RBFOX3: variants seen among roughly 807,000 people sequenced by gnomAD.
The protein encoded by RBFOX3 is RNA binding fox-1 homolog 3.
In RBFOX3, 17 loss-of-function variants were observed where a neutral mutation model predicts 48.7. The observed-to-expected ratio is 0.35, with a 90% CI of 0.24 to 0.52. The LOEUF is 0.52. Among genes scored for constraint, RBFOX3 ranks in the 20% least tolerant of loss-of-function variants. The probability of loss-of-function intolerance (pLI) is 0.94; values close to 1 mark genes in which losing one functional copy is unlikely to be tolerated. For missense variants in RBFOX3, 382 were observed against 497.5 expected (o/e 0.77, Z 2.21); for synonymous variants, 212 against 209.5 (o/e 1.01, Z -0.10).
chr17:79,149,806 G>A (rs565423598), intron 4 of RBFOX3, among the ~76,000 whole-genome samples: 1 of 151,462 alleles, frequency 6.6e-6, no homozygotes, highest in Non-Finnish European at 1.5e-5. Context: ...CATGAGCTGA[G>A]CTTCCACTGA....
chr17:79,562,185 T>C (rs888026778), intron 1 of RBFOX3, among the ~76,000 whole-genome samples: 2 of 152,234 alleles, frequency 1.3e-5, no homozygotes, highest in Non-Finnish European at 2.9e-5. Flanking sequence ...CTTTTTTCTT[T>C]ATTCCTGCCT....
At chr17:79,513,873 T>C (rs1241384549) in intron 1 of RBFOX3, among the ~76,000 whole-genome samples, 1 of 152,182 alleles carries the variant, frequency 6.6e-6, no homozygotes, top group Non-Finnish European at 1.5e-5. Context: ...GTTGGCCTTC[T>C]GGGCCTGCCC....
chr17:79,595,692 G>A (rs76392273), intron 1 of RBFOX3, among the ~76,000 whole-genome samples: 14,991 of 152,212 alleles, frequency 0.098, 948 homozygotes, highest in Non-Finnish European at 0.14. Flanking sequence ...TAAGCCAGCC[G>A]CCAAGTCACG....
chr17:79,092,406 C>T, intron 14 of RBFOX3: 1 of 985,734 alleles, frequency 1.0e-6, no homozygotes, highest in African/African-American at 1.7e-5. Flanking sequence ...CACACCAGCA[C>T]AGGTGGGGTG....
chr17:79,109,864 G>T (rs2030175522), intron 5 of RBFOX3, among the ~76,000 whole-genome samples: 1 of 152,196 alleles, frequency 6.6e-6, no homozygotes, highest in South Asian at 2.1e-4. Flanking sequence ...GAGGCGGGAG[G>T]AAGGGGGTGA....
chr17:79,395,310 G>A (rs984941994), intron 2 of RBFOX3, among the ~76,000 whole-genome samples: 1 of 152,232 alleles, frequency 6.6e-6, no homozygotes, highest in Non-Finnish European at 1.5e-5. Flanking sequence ...CCCCTCCTAA[G>A]GGATGGGGCA....
intron 4 of RBFOX3, among the ~76,000 whole-genome samples, chr17:79,211,930 G>T (rs1015464285): frequency 3.3e-5 from 5 of 152,206 alleles, no homozygotes; most frequent in Admixed American, 1.3e-4. Flanking sequence ...GGGGATACGT[G>T]GGGGGGAACA....
At chr17:79,646,553 A>G in the RBFOX3 span, among the ~76,000 whole-genome samples, 11 of 152,172 alleles carry the variant, frequency 7.2e-5, no homozygotes, top group African/African-American at 2.7e-4. Context: ...TAAAACCATC[A>G]GCTGTTGTGA....
chr17:79,534,463 G>A (rs1431723855), intron 1 of RBFOX3, among the ~76,000 whole-genome samples: 1 of 152,212 alleles, frequency 6.6e-6, no homozygotes, highest in Non-Finnish European at 1.5e-5. Flanking sequence ...CACATCAGCT[G>A]TGCCAAGAGC....
the RBFOX3 span, among the ~76,000 whole-genome samples, chr17:79,663,794 G>A: frequency 1.6e-4 from 25 of 152,160 alleles, no homozygotes; most frequent in East Asian, 4.6e-3. Context: ...TAAATCTTGG[G>A]GCGGGGGTGG....
intron 3 of RBFOX3, among the ~76,000 whole-genome samples, chr17:79,267,789 A>T (rs1275098329): frequency 6.6e-6 from 1 of 152,124 alleles, no homozygotes; most frequent in Non-Finnish European, 1.5e-5. Context: ...CTCCTGAGTC[A>T]TGGAGAAGCC....
chr17:79,453,866 G>A, intron 2 of RBFOX3, among the ~76,000 whole-genome samples: 1 of 152,164 alleles, frequency 6.6e-6, no homozygotes, highest in East Asian at 1.9e-4. Context: ...AGCTTGGCTG[G>A]CAGAGGAGAG....
At chr17:79,476,740 G>C (rs895706399) in intron 2 of RBFOX3, among the ~76,000 whole-genome samples, 6 of 152,148 alleles carry the variant, frequency 3.9e-5, no homozygotes, top group Non-Finnish European at 7.3e-5. Flanking sequence ...GCAGAGGCAG[G>C]GTGGCAGAAT....
rs113830554 is a variant in RBFOX3 at position 79,451,171 on chromosome 17, G to T, written c.-175+31283C>A. 1.3e-3 allele frequency among the ~76,000 whole-genome samples: 195 copies of T among 152,198 alleles called. 2 individuals are homozygous for T. Among genetic ancestry groups the T allele is most frequent in the African/African-American group, 4.6e-3 (191 of 41,520 alleles). ...AAGGCACAATTATCAGGGGACATATGATGTTTAGGAGCATCATTTGGAAGA... is the reference window on the plus strand; with the variant it reads ...AAGGCACAATTATCAGGGGACATATTATGTTTAGGAGCATCATTTGGAAGA... On this transcript the variant is annotated intron_variant, in intron 2 of 14. Coordinates refer to ENST00000693108, the MANE Select transcript of RBFOX3 (RefSeq NM_001350451.2).
the RBFOX3 span, among the ~76,000 whole-genome samples, chr17:79,617,427 C>T: frequency 6.6e-6 from 1 of 152,132 alleles, no homozygotes; most frequent in East Asian, 1.9e-4. Context: ...CCCACGGACA[C>T]CCCAGGGAAA....
At chr17:79,296,305 CCACACACACA>C (rs61439993) in intron 3 of RBFOX3, among the ~76,000 whole-genome samples, 5 of 130,400 alleles carry the variant, frequency 3.8e-5, no homozygotes, top group African/African-American at 1.3e-4. Flanking sequence ...CACACACACA[CCACACACACA>C]CACACACACA....
chr17:79,478,267 G>T (rs1437202468), intron 2 of RBFOX3, among the ~76,000 whole-genome samples: 2 of 152,234 alleles, frequency 1.3e-5, no homozygotes, highest in African/African-American at 4.8e-5. Flanking sequence ...TGATTTATGG[G>T]AAGTCATGTG....
At chr17:79,558,792 C>T (rs1003174758) in intron 1 of RBFOX3, among the ~76,000 whole-genome samples, 5 of 152,120 alleles carry the variant, frequency 3.3e-5, no homozygotes, top group Non-Finnish European at 7.3e-5. Flanking sequence ...GAGGAGGGAC[C>T]GAGGCCAGCT....
chr17:79,461,904 AGGG>A (rs1305424485), intron 2 of RBFOX3, among the ~76,000 whole-genome samples: 6 of 152,214 alleles, frequency 3.9e-5, no homozygotes, highest in Non-Finnish European at 7.3e-5. Context: ...AGAAGGTGCA[AGGG>A]GCAAGGGAAG....
Sources: allele counts gnomAD v4.1 joint callset (sites outside exome capture counted in the v4.1 genomes callset), GRCh38; gene constraint gnomAD v4.1.1; transcripts MANE v1.5; gene names NCBI Gene and HGNC (gene_info 2026-07-23, HGNC 2026-07-21).